The following GRHL2 variants were observed in gnomAD, a reference collection of about 807,000 sequenced individuals.
GRHL2 encodes the protein grainyhead-like protein 2 homolog.
Under a neutral mutation model 83.8 loss-of-function variants are expected in GRHL2, and 21 were observed. The observed-to-expected ratio is 0.25, with a 90% confidence interval of 0.18 to 0.36. The LOEUF (loss-of-function observed/expected upper bound fraction) is 0.36, where lower values mean the gene tolerates loss of function less well. Ranked by LOEUF, GRHL2 falls within the 10% of genes least tolerant of loss-of-function variation. The probability of loss-of-function intolerance (pLI) is 1.00; values close to 1 mark genes in which losing one functional copy is unlikely to be tolerated. For synonymous variants in GRHL2, 280 were observed against 278.9 expected (o/e 1.00, Z -0.04); for missense variants, 623 against 781.8 (o/e 0.80, Z 2.42).
intron 1 of GRHL2, among the ~76,000 whole-genome samples, chr8:101,510,403 TATC>T (rs1328519130): frequency 2.0e-5 from 3 of 152,220 alleles, no homozygotes; most frequent in African/African-American, 7.2e-5. Context: ...ACAGTGGATT[TATC>T]ATCATTGACT....
At chr8:101,512,037 A>T (rs1488397501) in intron 1 of GRHL2, among the ~76,000 whole-genome samples, 26 of 152,080 alleles carry the variant, frequency 1.7e-4, no homozygotes, top group Admixed American at 1.7e-3. Context: ...TGTTACATTG[A>T]TCTATTTATG....
intron 7 of GRHL2, among the ~76,000 whole-genome samples, chr8:101,586,264 C>T (rs35526650): frequency 0.046 from 7,046 of 151,946 alleles, 180 homozygotes; most frequent in Middle Eastern, 0.11. Context: ...ACTTCCTGCC[C>T]GACATCTTAA....
chr8:101,544,945 C>T (rs930039278), intron 2 of GRHL2, among the ~76,000 whole-genome samples: 1 of 152,162 alleles, frequency 6.6e-6, no homozygotes, highest in Non-Finnish European at 1.5e-5. Flanking sequence ...GCCACCACAC[C>T]TATTCTTCTG....
intron 8 of GRHL2, among the ~76,000 whole-genome samples, chr8:101,605,514 T>C (rs895544135): frequency 2.0e-5 from 3 of 152,192 alleles, no homozygotes; most frequent in Admixed American, 1.3e-4. Context: ...GCTGACTCCA[T>C]TTCCTTGAGC....
At chr8:101,604,143 T>C (rs1407671325) in intron 8 of GRHL2, among the ~76,000 whole-genome samples, 1 of 152,064 alleles carries the variant, frequency 6.6e-6, no homozygotes, top group Non-Finnish European at 1.5e-5. Context: ...GACTTCTGTG[T>C]CATATTCTTT....
At chr8:101,513,964 C>T (rs1030606665) in intron 1 of GRHL2, among the ~76,000 whole-genome samples, 7 of 152,116 alleles carry the variant, frequency 4.6e-5, no homozygotes, top group Admixed American at 6.5e-5. Flanking sequence ...CTTCTATGCT[C>T]CCTTTGTGTA....
At chr8:101,495,654 G>C (rs1025230394) in intron 1 of GRHL2, among the ~76,000 whole-genome samples, 1 of 152,040 alleles carries the variant, frequency 6.6e-6, no homozygotes, top group Non-Finnish European at 1.5e-5. Flanking sequence ...TTTTTCATTA[G>C]GTAAGTGTAT....
chr8:101,570,489 A>G (rs901138448), intron 5 of GRHL2, 95 bp downstream of exon 5: 4 of 1,007,910 alleles, frequency 4.0e-6, no homozygotes, highest in Non-Finnish European at 6.3e-6. Flanking sequence ...TTTCTTTGTA[A>G]ACTTGTACAG....
chr8:101,495,072 C>T (rs1441481703), intron 1 of GRHL2, among the ~76,000 whole-genome samples: 2 of 152,134 alleles, frequency 1.3e-5, no homozygotes, highest in Non-Finnish European at 2.9e-5. Context: ...AAGGGAGCCC[C>T]GGCAGGGGTG....
At chr8:101,600,632 G>A (rs999379893) in intron 8 of GRHL2, among the ~76,000 whole-genome samples, 3 of 152,234 alleles carry the variant, frequency 2.0e-5, no homozygotes, top group African/African-American at 7.2e-5. Context: ...GTCATCCTGA[G>A]CAAGTTATCT....
chr8:101,569,518 G>A (rs1027343901), intron 4 of GRHL2, among the ~76,000 whole-genome samples: 1 of 152,222 alleles, frequency 6.6e-6, no homozygotes, highest in African/African-American at 2.4e-5. Context: ...CGCTCAGGCT[G>A]ATCTGAAGTG....
chr8:101,654,956 G>A (rs983255792), intron 14 of GRHL2, among the ~76,000 whole-genome samples: 2 of 152,160 alleles, frequency 1.3e-5, no homozygotes, highest in African/African-American at 2.4e-5. Flanking sequence ...GTTGAGGCGG[G>A]CAGATCACCT....
At chr8:101,568,235 G>A (rs756707227) in intron 4 of GRHL2, among the ~76,000 whole-genome samples, 1 of 152,148 alleles carries the variant, frequency 6.6e-6, no homozygotes, top group Non-Finnish European at 1.5e-5. Flanking sequence ...ATGGAGCTAG[G>A]GGCTATCATA....
intron 3 of GRHL2, 114 bp downstream of exon 3, chr8:101,552,896 T>C (rs1811413863): frequency 8.1e-6 from 8 of 989,638 alleles, no homozygotes; most frequent in Non-Finnish European, 1.2e-5. Context: ...TAGCATCATC[T>C]ATCTGTCTTT....
chr8:101,549,186 G>C (rs1443285844), intron 2 of GRHL2, among the ~76,000 whole-genome samples: 1 of 152,172 alleles, frequency 6.6e-6, no homozygotes, highest in East Asian at 1.9e-4. Context: ...AGGACTTTGT[G>C]TCATGGCTCT....
intron 13 of GRHL2, 41 bp from the exon 14 acceptor site, chr8:101,649,373 C>A: frequency 6.7e-7 from 1 of 1,497,326 alleles, no homozygotes; most frequent in Non-Finnish European, 9.3e-7. Flanking sequence ...TGGAATTGTG[C>A]AGCCCCTCGG....
intron 1 of GRHL2, among the ~76,000 whole-genome samples, chr8:101,509,191 C>CTCTCTTTCTTTCTTTCTT (rs1554581595): frequency 4.6e-5 from 2 of 43,070 alleles, no homozygotes; most frequent in Non-Finnish European, 1.2e-4. Context: ...TTTCTTTTCT[C>CTCTCTTTCTTTCTTTCTT]TCTTTCTTTC....
chr8:101,645,638 G>A (rs1646615608), intron 13 of GRHL2, among the ~76,000 whole-genome samples: 1 of 152,122 alleles, frequency 6.6e-6, no homozygotes, highest in Admixed American at 6.5e-5. Context: ...TGGCAGGAGT[G>A]CCTACCTCAT....
At chr8:101,646,347 T>C (rs1813510891) in intron 13 of GRHL2, among the ~76,000 whole-genome samples, 1 of 152,204 alleles carries the variant, frequency 6.6e-6, no homozygotes, top group Non-Finnish European at 1.5e-5. Context: ...TGGAGGTTAA[T>C]CCAAAGACTG....
Sources: allele counts gnomAD v4.1 joint callset (sites outside exome capture counted in the v4.1 genomes callset), GRCh38; gene constraint gnomAD v4.1.1; transcripts MANE v1.5; gene names NCBI Gene and HGNC (gene_info 2026-07-23, HGNC 2026-07-21).